The following MAGED1 variants were observed in gnomAD, a reference collection of about 807,000 sequenced individuals.
MAGED1 encodes the protein MAGE family member D1.
Under a neutral mutation model 54.1 loss-of-function variants are expected in MAGED1, and 3 were observed. The ratio of observed to expected loss-of-function variants is 0.06; its 90% confidence interval spans 0.03 to 0.14. The LOEUF (loss-of-function observed/expected upper bound fraction) is 0.14, where lower values mean the gene tolerates loss of function less well. Ranked by LOEUF, MAGED1 falls within the 10% of genes least tolerant of loss-of-function variation. The pLI is 1.00. For missense variants in MAGED1, 485 were observed against 623.4 expected (o/e 0.78, Z 2.36); for synonymous variants, 217 against 227.3 (o/e 0.95, Z 0.41).
chrX:51,829,321 G>A (rs1008573176), intron 1 of MAGED1, among the ~76,000 whole-genome samples: 2 of 110,405 alleles, frequency 1.8e-5, no homozygotes, highest in Admixed American at 1.9e-4. Context: ...TTGTGTATGT[G>A]TGTGTGTGTG....
At chrX:51,836,845 A>C (rs1926272695) in intron 1 of MAGED1, among the ~76,000 whole-genome samples, 1 of 111,428 alleles carries the variant, frequency 9.0e-6, no homozygotes, top group South Asian at 3.8e-4. Flanking sequence ...AAGTGCTGGG[A>C]TTACAAGTAT....
intron 1 of MAGED1, among the ~76,000 whole-genome samples, chrX:51,883,889 T>TA (rs781830768): frequency 9.1e-6 from 1 of 110,319 alleles, no homozygotes; most frequent in East Asian, 2.9e-4. Flanking sequence ...AACAGCAAAA[T>TA]AAAAATAACA....
At chrX:51,849,919 G>T (rs1926823441) in intron 1 of MAGED1, among the ~76,000 whole-genome samples, 1 of 110,817 alleles carries the variant, frequency 9.0e-6, no homozygotes, top group South Asian at 3.9e-4. Flanking sequence ...AAATAAAATA[G>T]AATTTCTTTT....
At chrX:51,894,900 G>A (rs781938688) in intron 2 of MAGED1, 153 bp from the exon 3 acceptor site, 15 of 937,269 alleles carry the variant, frequency 1.6e-5, no homozygotes, top group South Asian at 1.6e-4. Context: ...CGCCCCTCGC[G>A]GGCCCCCTAG....
At chrX:51,819,328 G>T (rs1018193839) in intron 1 of MAGED1, among the ~76,000 whole-genome samples, 29 of 109,798 alleles carry the variant, frequency 2.6e-4, no homozygotes, top group African/African-American at 9.6e-4. Flanking sequence ...ACCCAAGCTT[G>T]TCTCCTTTCC....
chrX:51,874,721 T>A (rs1927806541), intron 1 of MAGED1, among the ~76,000 whole-genome samples: 1 of 111,114 alleles, frequency 9.0e-6, no homozygotes, highest in African/African-American at 3.3e-5. Context: ...AATGTGCTTA[T>A]CTGCTAATTA....
chrX:51,897,137 CTCA>C, intron 4 of MAGED1, 60 bp downstream of exon 4: 1 of 1,197,453 alleles, frequency 8.4e-7, no homozygotes, highest in Non-Finnish European at 1.1e-6. Flanking sequence ...TTGTCATCCT[CTCA>C]TCTGTAATTC....
intron 1 of MAGED1, among the ~76,000 whole-genome samples, chrX:51,803,481 C>A (rs979135952): frequency 9.2e-6 from 1 of 109,201 alleles, no homozygotes; most frequent in Non-Finnish European, 1.9e-5. Context: ...TTCTGCCCCC[C>A]ATCCTGTTAA....
intron 1 of MAGED1, among the ~76,000 whole-genome samples, chrX:51,840,947 C>G (rs1315975577): frequency 1.8e-5 from 2 of 110,787 alleles, no homozygotes; most frequent in African/African-American, 6.6e-5. Context: ...TGAGTATATA[C>G]CCAGTAATGG....
At chrX:51,825,523 A>G (rs782686377) in intron 1 of MAGED1, among the ~76,000 whole-genome samples, 82 of 112,198 alleles carry the variant, frequency 7.3e-4, no homozygotes, top group African/African-American at 2.6e-3. Flanking sequence ...TGTAACCACT[A>G]AAGTATCTAC....
At chrX:51,836,429 C>T (rs1233512380) in intron 1 of MAGED1, among the ~76,000 whole-genome samples, 6 of 111,157 alleles carry the variant, frequency 5.4e-5, no homozygotes, top group African/African-American at 1.6e-4. Context: ...GCTCAGTCTA[C>T]GGAAAATTAT....
Position 51,901,601 on chromosome X carries a change from G to T in MAGED1, c.2008G>T (p.Ala670Ser), listed in dbSNP as rs1929028043. The change falls in exon 12 of 13, where the codon GCA becomes TCA. Residue 670 changes from alanine (A) to serine (S), a missense_variant. Transcript: ENST00000326587. ...RDWTAQFMEAADEALDALDAA... is the reference protein window; with the variant it reads ...RDWTAQFMEASDEALDALDAA... ...CTGGACTGCACAGTTCATGGAGGCT[G>T]CAGATGAGGCCTTGGATGCTCTGGA... is the stretch of plus-strand genomic sequence containing the variant. The T allele has an allele frequency of 1.7e-6, 2 of 1,203,860 alleles. No individual in the cohort carries two copies. The highest frequency in any genetic ancestry group is 2.2e-6 in the Non-Finnish European group (2 of 891,214).
chrX:51,827,805 G>A (rs782018802), intron 1 of MAGED1, among the ~76,000 whole-genome samples: 4 of 111,385 alleles, frequency 3.6e-5, no homozygotes, highest in Non-Finnish European at 7.5e-5. Flanking sequence ...ATGGTTTTGC[G>A]GTATCAAAAA....
chrX:51,836,333 A>T (rs1198397154), intron 1 of MAGED1, among the ~76,000 whole-genome samples: 7 of 109,641 alleles, frequency 6.4e-5, no homozygotes, highest in Non-Finnish European at 1.3e-4. Flanking sequence ...CTTGAGCTTT[A>T]TTCTGGAATG....
chrX:51,867,194 T>G (rs954521161), intron 1 of MAGED1, among the ~76,000 whole-genome samples: 5 of 111,684 alleles, frequency 4.5e-5, no homozygotes, highest in Admixed American at 1.9e-4. Context: ...ACCACAAGAC[T>G]CTGGGCCAAA....
intron 1 of MAGED1, among the ~76,000 whole-genome samples, chrX:51,842,686 T>A (rs1407733670): frequency 9.0e-6 from 1 of 110,775 alleles, no homozygotes; most frequent in African/African-American, 3.3e-5. Flanking sequence ...GATACCACTT[T>A]ATTAATTAAT....
chrX:51,841,635 G>A (rs1349784303), intron 1 of MAGED1, among the ~76,000 whole-genome samples: 5 of 106,951 alleles, frequency 4.7e-5, no homozygotes, highest in Non-Finnish European at 4.0e-5. Context: ...AAGGGATCCA[G>A]TTTCAGCTTT....
At chrX:51,824,864 G>GTGTT (rs1925795698) in intron 1 of MAGED1, among the ~76,000 whole-genome samples, 1 of 82,128 alleles carries the variant, frequency 1.2e-5, no homozygotes, top group African/African-American at 4.5e-5. Flanking sequence ...TCAGAAACCT[G>GTGTT]TGTGTGTGTG....
intron 1 of MAGED1, among the ~76,000 whole-genome samples, chrX:51,878,692 C>T (rs1927957618): frequency 9.0e-6 from 1 of 111,395 alleles, no homozygotes; most frequent in African/African-American, 3.3e-5. Flanking sequence ...ATTATTTCTC[C>T]AGCACTTATC....
Sources: allele counts gnomAD v4.1 joint callset (sites outside exome capture counted in the v4.1 genomes callset), GRCh38; gene constraint gnomAD v4.1.1; transcripts MANE v1.5; gene names NCBI Gene and HGNC (gene_info 2026-07-23, HGNC 2026-07-21).